DMRTC2: variants seen among roughly 807,000 people sequenced by gnomAD.
DMRTC2 encodes the protein DMRT like family C2.
A neutral mutation model predicts 39.9 loss-of-function variants in DMRTC2; 13 were observed. That is an observed-to-expected ratio of 0.33 (90% CI 0.21 to 0.52). The LOEUF (loss-of-function observed/expected upper bound fraction) is 0.52, where lower values mean the gene tolerates loss of function less well. Ranked by LOEUF, DMRTC2 falls within the 20% of genes least tolerant of loss-of-function variation. The pLI, the probability that DMRTC2 is intolerant of heterozygous loss-of-function variation, is 0.96. For synonymous variants in DMRTC2, 189 were observed against 185.2 expected (o/e 1.02, Z -0.17); for missense variants, 431 against 472.8 (o/e 0.91, Z 0.82).
rs199533075 is a variant in DMRTC2 at position 41,847,880 on chromosome 19, C to G, written c.369C>G (p.Pro123=). 1 of 1,579,302 alleles carries G rather than the reference C, an allele frequency of 6.3e-7. No homozygotes were observed. Among genetic ancestry groups the G allele is most frequent in the Non-Finnish European group, 8.6e-7 (1 of 1,161,932 alleles). ...AGGGAACCACTCAGCCACAGGTCCC[C>G]TGTGAGTGTCTCTGACCAGCGATGG... ...FRKGTTQPQV[P]SGKENIAPQP... is the part of the protein sequence containing the mutation. The change falls in exon 3 of 9, where the codon CCC becomes CCG. Residue 123 remains proline, a splice_region_variant and synonymous_variant. Transcript: ENST00000269945.
At chr19:41,849,310 A>C (rs1461022630) in intron 6 of DMRTC2, 54 bp downstream of exon 6, 1 of 1,594,364 alleles carries the variant, frequency 6.3e-7, no homozygotes. Context: ...GCTGTGTCCA[A>C]CCACAGTGCT....
chr19:41,850,305 T>A lies in DMRTC2; in HGVS notation c.756-7T>A, dbSNP rs1423538183. ...ACCACCCTGGCATCTTCTCTCCTTG[T>A]TTCTAGACACTCAACTCTGATACTC... is the stretch of plus-strand genomic sequence containing the variant. On this transcript the variant is annotated splice_polypyrimidine_tract_variant and splice_region_variant and intron_variant, in intron 6 of 8. Coordinates refer to ENST00000269945, the MANE Select transcript of DMRTC2 (RefSeq NM_001040283.3). 2.7e-6 allele frequency: 4 copies of A among 1,492,192 alleles called. No homozygotes were observed. The highest frequency in any genetic ancestry group is 3.6e-6 in the Non-Finnish European group (4 of 1,120,940). The allele number at this position is 1,492,192 out of a possible 1,614,324, so 92.4% of individuals were successfully genotyped here.
chr19:41,849,242 T>C lies in DMRTC2; in HGVS notation c.741T>C (p.Pro247=), dbSNP rs782414628. ...TTTCTGGAGAGCCCCAAGGGCCCCC[T>C]AGCCAGCCCCGCACGTGAGTAGGGA... ...APLSGEPQGP[P]SQPRTHSTLI... Residue 247 remains proline (P), a synonymous_variant, in exon 6 of 9, where the codon CCT becomes CCC. Coordinates refer to ENST00000269945, the MANE Select transcript of DMRTC2 (RefSeq NM_001040283.3). 2.5e-6 allele frequency: 4 copies of C among 1,613,782 alleles called. No homozygotes were observed. The highest frequency in any genetic ancestry group is 2.2e-5 in the East Asian group (1 of 44,882).
At chr19:41,849,983 G>A (rs1281940449) in intron 6 of DMRTC2, among the ~76,000 whole-genome samples, 1 of 152,054 alleles carries the variant, frequency 6.6e-6, no homozygotes, top group Non-Finnish European at 1.5e-5. Context: ...AGGCTGAGGT[G>A]GGAAGATGGT....
intron 6 of DMRTC2, 51 bp from the exon 7 acceptor site, chr19:41,850,261 A>G (rs1291417643): frequency 2.8e-6 from 4 of 1,419,132 alleles, no homozygotes; most frequent in Non-Finnish European, 3.7e-6. Context: ...CAATGTGTGC[A>G]TGTCTGTTCA....
At chr19:41,846,732 T>G (rs2073858811) in intron 1 of DMRTC2, among the ~76,000 whole-genome samples, 1 of 151,884 alleles carries the variant, frequency 6.6e-6, no homozygotes, top group Non-Finnish European at 1.5e-5. Flanking sequence ...CACGCCCAGC[T>G]AATTTTTTGT....
chr19:41,848,760 T>C, intron 4 of DMRTC2, 35 bp from the exon 5 acceptor site: 1 of 1,606,464 alleles, frequency 6.2e-7, no homozygotes, highest in Non-Finnish European at 8.5e-7. Context: ...TCCAGCCTTG[T>C]ACCCAACTCC....
chr19:41,847,089 G>T (rs1943449965), intron 1 of DMRTC2, among the ~76,000 whole-genome samples: 1 of 151,198 alleles, frequency 6.6e-6, no homozygotes, highest in South Asian at 2.1e-4. Flanking sequence ...GGAGGCTGAG[G>T]CAGGAGAATC....
In DMRTC2 at chr19:41,851,922, G is replaced by C; in HGVS notation, c.*226G>C. 1 of 564,688 alleles carries C rather than the reference G, an allele frequency of 1.8e-6. No individual in the cohort carries two copies. 35.0% of individuals were successfully genotyped at this position (564,688 alleles called of 1,614,324 possible). ...TCCTTGGCTGACAGTGGATATTCTT[G>C]TACCCTTCTTGGGTCCTGGGATCTC... On this transcript the variant is annotated 3_prime_UTR_variant, in exon 9 of 9. Transcript: ENST00000269945.
Position 41,848,821 on chromosome 19 carries a change from C to T in DMRTC2, c.474C>T (p.Ser158=). 6.2e-7 allele frequency: 1 copy of T among 1,609,678 alleles called. No individual in the cohort carries two copies. Residue 158 remains serine, a synonymous_variant, in exon 5 of 9, where the codon AGC becomes AGT. Coordinates refer to ENST00000269945, the MANE Select transcript of DMRTC2 (RefSeq NM_001040283.3). Reference sequence around the variant, plus strand: ...ACTCCTGTGGGCCTCTGCTGCTCAGCCATCCCCCGGAAGCCTCGCCCTTGT... The same window carrying T: ...ACTCCTGTGGGCCTCTGCTGCTCAGTCATCCCCCGGAAGCCTCGCCCTTGT... ...GKNSCGPLLL[S]HPPEASPLSW... is the part of the protein sequence containing the mutation.
intron 1 of DMRTC2, 92 bp from the exon 2 acceptor site, chr19:41,847,333 A>T: frequency 6.8e-7 from 1 of 1,467,578 alleles, no homozygotes; most frequent in Non-Finnish European, 9.0e-7. Flanking sequence ...AAAGAGGGGC[A>T]GGATGGAGAC....
At chr19:41,849,737 C>T (rs537665254) in intron 6 of DMRTC2, among the ~76,000 whole-genome samples, 2 of 152,120 alleles carry the variant, frequency 1.3e-5, no homozygotes, top group Non-Finnish European at 2.9e-5. Context: ...GGGACCCAGA[C>T]TCTGATAGGT....
chr19:41,847,525 A>G lies in DMRTC2; in HGVS notation c.97A>G (p.Arg33Gly), dbSNP rs2073882478. ...CCCCCAGAGCACAGAGCTGATCCCC[A>G]GGAGAGCCATCAGCCGCTCTCCAAC... ...RDPQSTELIP[R>G]RAISRSPTCA... The change falls in exon 2 of 9, where the codon AGG becomes GGG. Residue 33 changes from arginine to glycine, a missense_variant. Transcript: ENST00000269945. The G allele has an allele frequency of 2.5e-6, 4 of 1,614,174 alleles. No individual in the cohort carries two copies. The highest frequency in any genetic ancestry group is 3.4e-6 in the Non-Finnish European group (4 of 1,180,016).
At position 41,851,803 on chromosome 19, in the gene DMRTC2, A is replaced by G. The variant is rs2073960972; in HGVS notation, c.*107A>G. The G allele has an allele frequency of 3.0e-6, 3 of 999,334 alleles. No homozygotes were observed. Among genetic ancestry groups the G allele is most frequent in the Non-Finnish European group, 4.5e-6 (3 of 670,796 alleles). The allele number at this position is 999,334 out of a possible 1,614,324, so 61.9% of individuals were successfully genotyped here. ...ATTTATGCATGGAATTTAATGTAGT[A>G]CAAGCTTCGGGCTTTTTTGTTTGTT... On this transcript the variant is annotated 3_prime_UTR_variant, in exon 9 of 9. Coordinates refer to ENST00000269945, the MANE Select transcript of DMRTC2 (RefSeq NM_001040283.3).
At position 41,848,872 on chromosome 19, in the gene DMRTC2, T is replaced by C. The variant is rs1555836669; in HGVS notation, c.525T>C (p.Pro175=). ...PLSWTPVPPG[P]WVPGHWLPPG... ...CCTGGACTCCGGTGCCTCCTGGCCC[T>C]TGGGTCCCTGGACACTGGCTGCCTC... Residue 175 remains proline, a synonymous_variant, in exon 5 of 9, where the codon CCT becomes CCC. Transcript: ENST00000269945. 1 of 1,612,974 alleles carries C rather than the reference T, an allele frequency of 6.2e-7. No individual in the cohort carries two copies. Among genetic ancestry groups the C allele is most frequent in the South Asian group, 1.1e-5 (1 of 91,092 alleles).
At chr19:41,850,780 A>G in intron 8 of DMRTC2, 80 bp downstream of exon 8, 3 of 1,422,310 alleles carry the variant, frequency 2.1e-6, no homozygotes, top group South Asian at 3.0e-5. Context: ...AACCAAGGAG[A>G]TGAGGGGGTC....
At chr19:41,848,120 G>A (rs1359703447) in intron 3 of DMRTC2, among the ~76,000 whole-genome samples, 1 of 152,204 alleles carries the variant, frequency 6.6e-6, no homozygotes, top group Non-Finnish European at 1.5e-5. Flanking sequence ...GGCTGAGGCA[G>A]GCAGACCACG....
intron 6 of DMRTC2, among the ~76,000 whole-genome samples, chr19:41,849,954 G>C (rs1249084368): frequency 1.3e-5 from 2 of 152,056 alleles, no homozygotes. Flanking sequence ...GTGCACACCT[G>C]TTTTCCTGGC....
At chr19:41,849,070 G>A in intron 5 of DMRTC2, 60 bp from the exon 6 acceptor site, 1 of 1,611,794 alleles carries the variant, frequency 6.2e-7, no homozygotes, top group Non-Finnish European at 8.5e-7. Flanking sequence ...GGTGGGGAGA[G>A]GGAGGAAAGA....
Sources: gnomAD v4.1 joint callset for allele counts (sites outside exome capture counted in the v4.1 genomes callset) on GRCh38, gnomAD v4.1.1 for gene constraint, MANE v1.5 for transcripts, NCBI Gene and HGNC (gene_info 2026-07-23, HGNC 2026-07-21) for gene names.